Variants in RBFOX1 observed in about 807,000 individuals in gnomAD.
The protein encoded by RBFOX1 is RNA binding protein fox-1 homolog 1.
RBFOX1 carries 8 observed loss-of-function variants against 57.7 expected under a neutral mutation model. That is an observed-to-expected ratio of 0.14 (90% confidence interval 0.08 to 0.25). The LOEUF (loss-of-function observed/expected upper bound fraction) is 0.25. Among genes scored for constraint, RBFOX1 ranks in the 10% least tolerant of loss-of-function variants. The probability of loss-of-function intolerance (pLI) is 1.00; values close to 1 mark genes in which losing one functional copy is unlikely to be tolerated. For synonymous variants in RBFOX1, 326 were observed against 222.4 expected, an observed-to-expected ratio of 1.47 and a Z score of -4.15; for missense variants, 611 against 548.5, an observed-to-expected ratio of 1.11 and a Z score of -1.14.
intron 1 of RBFOX1, among the ~76,000 whole-genome samples, chr16:6,024,262 G>A (rs1349472160): frequency 3.9e-5 from 6 of 152,132 alleles, no homozygotes; most frequent in Admixed American, 3.9e-4. Context: ...TAAGGCAGAC[G>A]AGAACTTTCC....
At chr16:7,086,058 C>T (rs2059936203) in intron 4 of RBFOX1, among the ~76,000 whole-genome samples, 1 of 152,152 alleles carries the variant, frequency 6.6e-6, no homozygotes, top group Admixed American at 6.5e-5. Context: ...CTGTCTCCAT[C>T]ACTGCTTGTT....
At chr16:6,803,130 G>A (rs922046144) in intron 3 of RBFOX1, among the ~76,000 whole-genome samples, 5 of 150,290 alleles carry the variant, frequency 3.3e-5, no homozygotes, top group Non-Finnish European at 5.9e-5. Flanking sequence ...GCTAGACCAT[G>A]CCTTGATTTT....
chr16:6,808,312 C>T (rs1015163265), intron 3 of RBFOX1, among the ~76,000 whole-genome samples: 9 of 151,782 alleles, frequency 5.9e-5, no homozygotes, highest in Non-Finnish European at 1.2e-4. Flanking sequence ...CTAATATCAC[C>T]CCACCACTGA....
intron 4 of RBFOX1, among the ~76,000 whole-genome samples, chr16:7,467,715 T>A (rs994991279): frequency 1.3e-5 from 2 of 152,234 alleles, no homozygotes; most frequent in Admixed American, 1.3e-4. Flanking sequence ...CGGATCTGTC[T>A]ACTGGGACAC....
At chr16:5,792,884 A>G (rs1326511126) in intron 3 of RBFOX1, among the ~76,000 whole-genome samples, 1 of 152,176 alleles carries the variant, frequency 6.6e-6, no homozygotes, top group East Asian at 1.9e-4. Flanking sequence ...TTTACTATTC[A>G]TTAAGTAGAA....
chr16:7,096,518 C>G (rs1299662285), intron 4 of RBFOX1, among the ~76,000 whole-genome samples: 1 of 152,066 alleles, frequency 6.6e-6, no homozygotes, highest in Non-Finnish European at 1.5e-5. Flanking sequence ...GTTTTGAGGC[C>G]AATTTTCTTG....
chr16:5,307,261 C>T (rs2063962220), intron 1 of RBFOX1, among the ~76,000 whole-genome samples: 1 of 152,192 alleles, frequency 6.6e-6, no homozygotes, highest in Non-Finnish European at 1.5e-5. Context: ...TCTGTGCTCA[C>T]ACCAGGAGAC....
intron 4 of RBFOX1, among the ~76,000 whole-genome samples, chr16:7,351,591 G>T (rs919575265): frequency 9.9e-5 from 15 of 152,210 alleles, no homozygotes; most frequent in African/African-American, 3.6e-4. Context: ...GGTGGATCAT[G>T]ATACTCTGCT....
intron 3 of RBFOX1, among the ~76,000 whole-genome samples, chr16:6,679,413 T>C (rs1217503293): frequency 6.6e-6 from 1 of 152,166 alleles, no homozygotes; most frequent in Non-Finnish European, 1.5e-5. Context: ...TTCTCCATGC[T>C]TGCTGCAGAC....
intron 2 of RBFOX1, among the ~76,000 whole-genome samples, chr16:6,585,640 C>G (rs2097599427): frequency 6.6e-6 from 1 of 152,172 alleles, no homozygotes; most frequent in Non-Finnish European, 1.5e-5. Flanking sequence ...ATGACATAGA[C>G]TCTTTCTGTT....
intron 1 of RBFOX1, among the ~76,000 whole-genome samples, chr16:6,301,627 T>C (rs2078831002): frequency 6.6e-6 from 1 of 152,168 alleles, no homozygotes. Flanking sequence ...GGGAAATCTC[T>C]ATAATTTTCT....
intron 2 of RBFOX1, among the ~76,000 whole-genome samples, chr16:6,605,977 G>A (rs934558908): frequency 6.6e-6 from 1 of 151,882 alleles, no homozygotes; most frequent in Non-Finnish European, 1.5e-5. Context: ...GGGGGTGGGG[G>A]CAGTGCCTGT....
intron 5 of RBFOX1, among the ~76,000 whole-genome samples, chr16:7,521,218 A>C (rs2077450846): frequency 6.6e-6 from 1 of 152,202 alleles, no homozygotes; most frequent in Non-Finnish European, 1.5e-5. Context: ...GCTCACTCAA[A>C]GTCCTAAGAA....
At chr16:5,958,358 C>T (rs574313954) in intron 4 of RBFOX1, among the ~76,000 whole-genome samples, 1 of 152,280 alleles carries the variant, frequency 6.6e-6, no homozygotes, top group East Asian at 1.9e-4. Flanking sequence ...GATAAGCCTC[C>T]TTGCAGTGTT....
intron 4 of RBFOX1, among the ~76,000 whole-genome samples, chr16:7,366,302 A>G (rs1192012176): frequency 6.6e-6 from 1 of 152,226 alleles, no homozygotes; most frequent in Non-Finnish European, 1.5e-5. Context: ...TCACTTAGCC[A>G]TTGCCAGATC....
Position 7,051,328 on chromosome 16 carries a change from C to G in RBFOX1, c.-15-729C>G, listed in dbSNP as rs142564415. On this transcript the variant is annotated intron_variant, in intron 3 of 15. Transcript: ENST00000550418. ...CGACTCCACCCATCCCCTTAACCCA[C>G]CTATGTTTTCTTGTTTGGATAATAA... Among the ~76,000 whole-genome samples, 538 of 152,322 alleles carry G rather than the reference C, an allele frequency of 3.5e-3. 2 individuals are homozygous for G. Among genetic ancestry groups the G allele is most frequent in the Middle Eastern group, 0.01 (3 of 294 alleles).
At chr16:7,479,011 G>A (rs937241343) in intron 4 of RBFOX1, among the ~76,000 whole-genome samples, 3 of 152,060 alleles carry the variant, frequency 2.0e-5, no homozygotes, top group African/African-American at 7.2e-5. Flanking sequence ...ACCAGCCACT[G>A]TGAGAGTGTA....
intron 4 of RBFOX1, among the ~76,000 whole-genome samples, chr16:7,345,441 G>A (rs768233729): frequency 1.2e-4 from 18 of 152,154 alleles, no homozygotes; most frequent in Non-Finnish European, 2.1e-4. Context: ...ATTTTGGTGG[G>A]GGCTTAAGGA....
At chr16:5,847,170 G>C (rs1388794831) in intron 3 of RBFOX1, among the ~76,000 whole-genome samples, 1 of 152,212 alleles carries the variant, frequency 6.6e-6, no homozygotes, top group Non-Finnish European at 1.5e-5. Context: ...CAGGAACTTG[G>C]TTGGAGTGAG....
Sources: gnomAD v4.1 joint callset for allele counts (sites outside exome capture counted in the v4.1 genomes callset) on GRCh38, gnomAD v4.1.1 for gene constraint, MANE v1.5 for transcripts, NCBI Gene and HGNC (gene_info 2026-07-23, HGNC 2026-07-21) for gene names.